The following RALGAPB variants were observed in gnomAD, a reference collection of about 807,000 sequenced individuals.
RALGAPB encodes the protein Ral GTPase activating protein non-catalytic subunit beta.
In RALGAPB, 25 loss-of-function variants were observed where a neutral mutation model predicts 161.1. That is an observed-to-expected ratio of 0.16 (90% CI 0.11 to 0.22). The LOEUF (loss-of-function observed/expected upper bound fraction) is 0.22. Among genes scored for constraint, RALGAPB ranks in the 10% least tolerant of loss-of-function variants. The pLI, the probability that RALGAPB is intolerant of heterozygous loss-of-function variation, is 1.00. For missense variants in RALGAPB, 1,391 were observed against 1,815.2 expected (o/e 0.77, Z 4.25); for synonymous variants, 629 against 626.1 (o/e 1.00, Z -0.07).
At chr20:38,487,590 A>G (rs1321324606) in intron 1 of RALGAPB, among the ~76,000 whole-genome samples, 1 of 152,200 alleles carries the variant, frequency 6.6e-6, no homozygotes, top group Non-Finnish European at 1.5e-5. Flanking sequence ...TGCTGACACA[A>G]CTGACCATAC....
chr20:38,567,552 GT>G (rs1193345461), intron 26 of RALGAPB, among the ~76,000 whole-genome samples: 1 of 152,022 alleles, frequency 6.6e-6, no homozygotes, highest in Non-Finnish European at 1.5e-5. Context: ...GTAACTACAT[GT>G]TTTTTTATCT....
At chr20:38,498,981 T>C (rs997401193) in intron 4 of RALGAPB, among the ~76,000 whole-genome samples, 2 of 152,354 alleles carry the variant, frequency 1.3e-5, no homozygotes, top group South Asian at 4.1e-4. Context: ...ACTTAAACTT[T>C]CTGAATCTAA....
In RALGAPB at chr20:38,525,948, A is replaced by G. The variant is rs1334471292; in HGVS notation, c.1956A>G (p.Pro652=). 1.2e-6 allele frequency: 2 copies of G among 1,613,942 alleles called. No individual in the cohort carries two copies. The highest frequency in any genetic ancestry group is 1.7e-6 in the Non-Finnish European group (2 of 1,179,808). The change falls in exon 13 of 30, where the codon CCA becomes CCG. Residue 652 remains proline, a synonymous_variant. Transcript: ENST00000262879. ...SNDDSSSYDK[P]ITFLSLKLRL... is the part of the protein sequence containing the mutation. ...ATGACAGCTCTTCTTATGATAAACC[A>G]ATAACTTTTCTGTCCCTGAAGTTGA...
Position 38,497,465 on chromosome 20 carries a change from T to C in RALGAPB, c.502T>C (p.Leu168=), listed in dbSNP as rs1410196728. 6.2e-7 allele frequency: 1 copy of C among 1,614,154 alleles called. No individual in the cohort carries two copies. ...CCGAGAAACTTGGGAAGTCTTACTG[T>C]TGTTTCTTCTGCAGATTAACGACAT... ...MARETWEVLL[L]FLLQINDILL... is the part of the protein sequence containing the mutation. Residue 168 remains leucine (L), a synonymous_variant, in exon 4 of 30, where the codon TTG becomes CTG. Transcript: ENST00000262879.
At position 38,551,237 on chromosome 20, in the gene RALGAPB, T is replaced by C; in HGVS notation, c.3162+14T>C. The C allele has an allele frequency of 6.2e-7, 1 of 1,611,048 alleles. No homozygotes were observed. The highest frequency in any genetic ancestry group is 2.2e-5 in the East Asian group (1 of 44,850). ...GTCACTGAAGAAGTAAGTACATTATTTTTAGCTGTTGTCAAGGGGATGAAT... is the reference window on the plus strand; with the variant it reads ...GTCACTGAAGAAGTAAGTACATTATCTTTAGCTGTTGTCAAGGGGATGAAT... On this transcript the variant is annotated intron_variant, in intron 21 of 29. Transcript: ENST00000262879.
chr20:38,496,521 T>A (rs1487380769), intron 3 of RALGAPB, among the ~76,000 whole-genome samples: 1 of 152,166 alleles, frequency 6.6e-6, no homozygotes, highest in Non-Finnish European at 1.5e-5. Context: ...GCTAATACAA[T>A]GGGTTTCCTA....
At chr20:38,506,022 A>G (rs1367120890) in intron 5 of RALGAPB, among the ~76,000 whole-genome samples, 1 of 148,868 alleles carries the variant, frequency 6.7e-6, no homozygotes, top group African/African-American at 2.5e-5. Context: ...AAATTTCACA[A>G]AATTCCAAAG....
intron 9 of RALGAPB, 126 bp downstream of exon 9, chr20:38,518,126 T>G: frequency 1.1e-6 from 1 of 903,878 alleles, no homozygotes; most frequent in East Asian, 2.6e-5. Context: ...CCAAGCAATG[T>G]CTTGTGCTTA....
At chr20:38,517,681 G>T (rs2086171252) in intron 8 of RALGAPB, 27 bp downstream of exon 8, 3 of 1,611,708 alleles carry the variant, frequency 1.9e-6, no homozygotes, top group Non-Finnish European at 2.5e-6. Context: ...CCATTGTTAT[G>T]CTATATAAGG....
At chr20:38,514,252 A>G (rs545404575) in intron 6 of RALGAPB, among the ~76,000 whole-genome samples, 1 of 152,220 alleles carries the variant, frequency 6.6e-6, no homozygotes, top group Non-Finnish European at 1.5e-5. Flanking sequence ...TCTCTTGTGC[A>G]TGCACATTGT....
At chr20:38,480,394 T>A (rs201299639) in intron 1 of RALGAPB, among the ~76,000 whole-genome samples, 1 of 28,678 alleles carries the variant, frequency 3.5e-5, no homozygotes, top group Admixed American at 9.2e-4. Flanking sequence ...TCTTTTTTTT[T>A]TTTTTTTTTT....
At chr20:38,498,552 A>G (rs562068764) in intron 4 of RALGAPB, among the ~76,000 whole-genome samples, 1 of 152,348 alleles carries the variant, frequency 6.6e-6, no homozygotes, top group Middle Eastern at 3.4e-3. Context: ...TCATTGATTC[A>G]TCACCTCTCT....
intron 13 of RALGAPB, among the ~76,000 whole-genome samples, chr20:38,529,535 TAAAAA>T (rs1466206582): frequency 6.2e-5 from 9 of 144,896 alleles, no homozygotes; most frequent in Middle Eastern, 3.9e-3. Context: ...AAAAATAAAA[TAAAAA>T]TAAAAATAAA....
rs753410495 is a variant in RALGAPB at position 38,567,129 on chromosome 20, A to G, written c.3851A>G (p.Asp1284Gly). 1.2e-6 allele frequency: 2 copies of G among 1,613,646 alleles called. No homozygotes were observed. The highest frequency in any genetic ancestry group is 2.2e-5 in the South Asian group (2 of 91,036). The change falls in exon 26 of 30, where the codon GAT (aspartate) becomes GGT (glycine). Residue 1284 changes from aspartate (D) to glycine (G), a missense_variant. Around this residue, in one of 3 missense-constraint regions of RALGAPB, gnomAD observed 436 missense variants for 527.0 expected, o/e 0.83. Transcript: ENST00000262879. ...TTGGAAAGTAACATCTCGGACCAAG[A>G]TAGTGATTCAAATATGGATCTTATG... ...DSLESNISDQ[D>G]SDSNMDLMPG...
In RALGAPB at chr20:38,570,827, A is replaced by C; in HGVS notation, c.4122A>C (p.Ala1374=). Residue 1374 remains alanine, a synonymous_variant, in exon 28 of 30, where the codon GCA becomes GCC. Transcript: ENST00000262879. ...TCAGTACTGGTGTGGAAACTACTGC[A>C]AATAGTAGCACTTCACTGAGGTACA... ...TEISTGVETT[A]NSSTSLRSTT... is the part of the protein sequence containing the mutation. 6.2e-7 allele frequency: 1 copy of C among 1,607,520 alleles called. No individual in the cohort carries two copies. Among genetic ancestry groups the C allele is most frequent in the Non-Finnish European group, 8.5e-7 (1 of 1,174,810 alleles).
chr20:38,564,978 TCTGCCTGCCTGC>T (rs998721254), intron 24 of RALGAPB, among the ~76,000 whole-genome samples: 3 of 150,788 alleles, frequency 2.0e-5, no homozygotes, highest in African/African-American at 4.9e-5. Flanking sequence ...TCTCTCTCTC[TCTGCCTGCCTGC>T]CTGCCTGCCT....
chr20:38,489,043 G>A (rs1478234200), intron 2 of RALGAPB, among the ~76,000 whole-genome samples: 1 of 152,174 alleles, frequency 6.6e-6, no homozygotes, highest in Non-Finnish European at 1.5e-5. Flanking sequence ...CAAGTTTTCA[G>A]GCTATGTGTA....
At chr20:38,535,955 A>G (rs2086793325) in intron 16 of RALGAPB, among the ~76,000 whole-genome samples, 1 of 152,206 alleles carries the variant, frequency 6.6e-6, no homozygotes, top group Admixed American at 6.5e-5. Flanking sequence ...CTTGGTGGTC[A>G]TTTGTGCTTC....
intron 15 of RALGAPB, 138 bp from the exon 16 acceptor site, chr20:38,534,936 G>A: frequency 4.0e-6 from 4 of 1,010,906 alleles, no homozygotes; most frequent in Non-Finnish European, 1.5e-6. Context: ...AGTGGGGTGG[G>A]GAGCGTAGCA....
Sources: allele counts gnomAD v4.1 joint callset (sites outside exome capture counted in the v4.1 genomes callset), GRCh38; gene constraint gnomAD v4.1.1; regional missense constraint gnomAD v4.1.1; transcripts MANE v1.5; gene names NCBI Gene and HGNC (gene_info 2026-07-23, HGNC 2026-07-21).